The following OTOA variants were observed in gnomAD, a reference collection of about 807,000 sequenced individuals.
OTOA encodes the protein cancer/testis antigen 108.
A neutral mutation model predicts 110.8 loss-of-function variants in OTOA; 70 were observed. The ratio of observed to expected loss-of-function variants is 0.63; its 90% CI spans 0.52 to 0.77. OTOA has a LOEUF of 0.77. Ranked by LOEUF, OTOA falls within the 30% of genes least tolerant of loss-of-function variation. OTOA has a pLI of 0.00. For synonymous variants in OTOA, 373 were observed against 431.5 expected (o/e 0.86, Z 1.68); for missense variants, 917 against 1,075.8 (o/e 0.85, Z 2.06).
chr16:21,698,567 ATGTGCCC>A (rs1897989560), intron 10 of OTOA, among the ~76,000 whole-genome samples: 1 of 151,994 alleles, frequency 6.6e-6, no homozygotes, highest in African/African-American at 2.4e-5. Flanking sequence ...TTTAAGTCAT[ATGTGCCC>A]TGACTCTTCT....
At chr16:21,666,243 A>ATTTTTTTTTTTT (rs61085785) in intron 1 of OTOA, among the ~76,000 whole-genome samples, 2 of 129,036 alleles carry the variant, frequency 1.5e-5, no homozygotes, top group African/African-American at 2.9e-5. Context: ...ATGAAATGGC[A>ATTTTTTTTTTTT]TTTTTTTTTT....
chr16:21,721,494 G>A (rs1174806706), intron 17 of OTOA: 3 of 455,914 alleles, frequency 6.6e-6, no homozygotes, highest in South Asian at 3.1e-5. Flanking sequence ...ACTACACAGA[G>A]GTACCTGGTC....
intron 17 of OTOA, chr16:21,721,190 C>T (rs1335800057): frequency 2.4e-6 from 1 of 415,232 alleles, no homozygotes; most frequent in African/African-American, 2.0e-5. Context: ...GCTGGGATTA[C>T]AGGCATGAGC....
At chr16:21,711,599 G>C (rs1009210946) in intron 13 of OTOA, among the ~76,000 whole-genome samples, 3 of 152,160 alleles carry the variant, frequency 2.0e-5, no homozygotes, top group African/African-American at 7.2e-5. Context: ...CTTCCGAGTA[G>C]CTGGGATTAT....
chr16:21,697,502 G>A lies in OTOA; in HGVS notation c.740-273G>A, dbSNP rs528687420. On this transcript the variant is annotated intron_variant, in intron 9 of 28. Coordinates refer to ENST00000646100, the MANE Select transcript of OTOA (RefSeq NM_144672.4). ...ACAAAAATTAGCTGGGCATGGTGGT[G>A]GGTGCCTGTAATCCCAGCTACTTGG... Among the ~76,000 whole-genome samples the A allele has an allele frequency of 5.3e-5, 8 of 152,162 alleles. No individual in the cohort carries two copies. In the East Asian group the frequency reaches 1.4e-3, roughly 26 times the overall value.
At chr16:21,671,594 A>AAAAAAAG (rs1262106382) in intron 1 of OTOA, among the ~76,000 whole-genome samples, 4 of 148,802 alleles carry the variant, frequency 2.7e-5, no homozygotes, top group Non-Finnish European at 4.4e-5. Flanking sequence ...ATCAAAAAAA[A>AAAAAAAG]AAAAAAGAAA....
intron 6 of OTOA, among the ~76,000 whole-genome samples, chr16:21,684,756 A>ATTT (rs1966976312): frequency 1.3e-5 from 1 of 78,536 alleles, no homozygotes; most frequent in Admixed American, 1.1e-4. Flanking sequence ...TATTATTATT[A>ATTT]TTATTATTAT....
intron 12 of OTOA, among the ~76,000 whole-genome samples, chr16:21,707,263 A>C (rs1898194792): frequency 6.6e-6 from 1 of 151,910 alleles, no homozygotes; most frequent in South Asian, 2.1e-4. Flanking sequence ...AGGGGTCTCA[A>C]CATGTGGCAG....
chr16:21,690,200 T>G (rs1469016119), intron 8 of OTOA, among the ~76,000 whole-genome samples: 1 of 152,134 alleles, frequency 6.6e-6, no homozygotes, highest in African/African-American at 2.4e-5. Context: ...TTTTTTGTTT[T>G]TAAGTTCTGG....
intron 1 of OTOA, among the ~76,000 whole-genome samples, chr16:21,665,962 C>G (rs968153913): frequency 6.6e-6 from 1 of 152,032 alleles, no homozygotes; most frequent in Non-Finnish European, 1.5e-5. Flanking sequence ...TCCTGAGTAG[C>G]TAGGGCTACA....
intron 22 of OTOA, among the ~76,000 whole-genome samples, chr16:21,738,891 T>C (rs1899440962): frequency 6.6e-6 from 1 of 151,176 alleles, no homozygotes; most frequent in African/African-American, 2.4e-5. Flanking sequence ...TTGTCTAAAG[T>C]CACAGAGTTA....
intron 18 of OTOA, among the ~76,000 whole-genome samples, chr16:21,725,574 A>G (rs1898887575): frequency 6.6e-6 from 1 of 152,148 alleles, no homozygotes; most frequent in South Asian, 2.1e-4. Flanking sequence ...GTGAGCCACC[A>G]CACCTGGCCA....
chr16:21,678,718 G>A, intron 2 of OTOA, 113 bp downstream of exon 2: 1 of 1,149,108 alleles, frequency 8.7e-7, no homozygotes, highest in South Asian at 1.3e-5. Context: ...CTGTGTGTGT[G>A]TGCATGTATG....
At chr16:21,692,107 G>A (rs1461841109) in intron 9 of OTOA, among the ~76,000 whole-genome samples, 1 of 152,022 alleles carries the variant, frequency 6.6e-6, no homozygotes, top group Non-Finnish European at 1.5e-5. Flanking sequence ...CAGGAGGATT[G>A]CCGGAGGTCA....
At chr16:21,744,694 G>A (rs1418696488) in intron 23 of OTOA, among the ~76,000 whole-genome samples, 187 bp from the exon 24 acceptor site, 1 of 12,550 alleles carries the variant, frequency 8.0e-5, no homozygotes, top group African/African-American at 2.2e-4. Flanking sequence ...TCTTTTACAA[G>A]GGCACTAATC....
chr16:21,697,715 C>T, intron 9 of OTOA, 60 bp from the exon 10 acceptor site: 1 of 1,399,430 alleles, frequency 7.1e-7, no homozygotes, highest in Non-Finnish European at 1.0e-6. Context: ...CTATCACATA[C>T]CAGTGTAAAG....
At chr16:21,706,332 C>T (rs1898167802) in intron 12 of OTOA, among the ~76,000 whole-genome samples, 1 of 152,204 alleles carries the variant, frequency 6.6e-6, no homozygotes, top group African/African-American at 2.4e-5. Flanking sequence ...TCTGGAACCG[C>T]TGCTCTGGTG....
At chr16:21,759,472 A>ATTTTTTTTT (rs1182150346) in intron 28 of OTOA, among the ~76,000 whole-genome samples, 1 of 125,634 alleles carries the variant, frequency 8.0e-6, no homozygotes. Flanking sequence ...AGTTGTTTCT[A>ATTTTTTTTT]TTTTTTTTTT....
In OTOA at chr16:21,684,460, T is replaced by C. The variant is rs149333462; in HGVS notation, c.268-770T>C. 774 of 1,544,166 alleles carry C rather than the reference T, an allele frequency of 5.0e-4. 3 individuals carry two copies. The African/African-American group carries it at 9.1e-3, about 18-fold the overall frequency. On this transcript the variant is annotated intron_variant, in intron 6 of 28. Coordinates refer to ENST00000646100, the MANE Select transcript of OTOA (RefSeq NM_144672.4). ...TGTATTTTGCTCCTGCGCTGGTAGC[T>C]TGGGTTTGGGCACAGTGCCATCTGG...
Sources: allele counts gnomAD v4.1 joint callset (sites outside exome capture counted in the v4.1 genomes callset), GRCh38; gene constraint gnomAD v4.1.1; transcripts MANE v1.5; gene names NCBI Gene and HGNC (gene_info 2026-07-23, HGNC 2026-07-21).